Variants in DPP6 observed in about 807,000 individuals in gnomAD.
DPP6 encodes the protein A-type potassium channel modulatory protein DPP6.
A neutral mutation model predicts 122.6 loss-of-function variants in DPP6; 69 were observed. The observed-to-expected ratio is 0.56, with a 90% CI of 0.46 to 0.69. The LOEUF is 0.69. Ranked by LOEUF, DPP6 falls within the 30% of genes least tolerant of loss-of-function variation. The pLI is 0.00. For synonymous variants in DPP6, 418 were observed against 433.1 expected, an observed-to-expected ratio of 0.97 and a Z score of 0.43; for missense variants, 928 against 1,116.9, an observed-to-expected ratio of 0.83 and a Z score of 2.41.
intron 5 of DPP6, among the ~76,000 whole-genome samples, chr7:154,584,701 GT>G (rs1832319599): frequency 6.6e-6 from 1 of 152,160 alleles, no homozygotes; most frequent in African/African-American, 2.4e-5. Context: ...GGTCTGTTCT[GT>G]TGAAATATTT....
chr7:154,831,756 G>A (rs578055125), intron 16 of DPP6, among the ~76,000 whole-genome samples: 1 of 152,086 alleles, frequency 6.6e-6, no homozygotes, highest in Non-Finnish European at 1.5e-5. Flanking sequence ...TATACCACGG[G>A]GTTTCTTTGC....
chr7:154,191,142 C>T (rs531618032), intron 1 of DPP6, among the ~76,000 whole-genome samples: 1 of 152,288 alleles, frequency 6.6e-6, no homozygotes, highest in East Asian at 1.9e-4. Context: ...AGATCCTATG[C>T]TCTGACTGCT....
intron 16 of DPP6, among the ~76,000 whole-genome samples, chr7:154,813,048 ATTAAC>A (rs1259985823): frequency 1.3e-5 from 2 of 151,758 alleles, no homozygotes; most frequent in African/African-American, 4.8e-5. Flanking sequence ...AATAATTACT[ATTAAC>A]TTAAATAATA....
At chr7:154,297,969 C>G (rs965655911) in intron 1 of DPP6, among the ~76,000 whole-genome samples, 6 of 152,178 alleles carry the variant, frequency 3.9e-5, no homozygotes, top group African/African-American at 1.4e-4. Flanking sequence ...TCTCAAACAC[C>G]AGGCGACATG....
intron 1 of DPP6, among the ~76,000 whole-genome samples, chr7:154,315,776 C>CAG (rs1187261553): frequency 6.6e-6 from 1 of 152,146 alleles, no homozygotes; most frequent in Non-Finnish European, 1.5e-5. Context: ...GTTCTGTCCT[C>CAG]AACCACATGG....
rs546546211 is a variant in DPP6 at position 154,095,434 on chromosome 7, T to G, written c.243+42371T>G. 359 of 142,092 alleles carry G rather than the reference T, an allele frequency of 2.5e-3. 1 individual carries two copies. The highest frequency in any genetic ancestry group is 8.7e-3 in the African/African-American group (341 of 39,286). The allele number at this position is 142,092 out of a possible 1,614,324, so 8.8% of individuals were successfully genotyped here. On this transcript the variant is annotated intron_variant, in intron 1 of 25. Coordinates refer to ENST00000377770, the MANE Select transcript of DPP6 (RefSeq NM_130797.4). ...GTTTCCCGCAGGGGGCGCTCTTTTTTGGATCTCTCTGCTTGGAGATATCTC... is the reference window on the plus strand; with the variant it reads ...GTTTCCCGCAGGGGGCGCTCTTTTTGGGATCTCTCTGCTTGGAGATATCTC...
chr7:154,309,049 C>T (rs915840716), intron 1 of DPP6, among the ~76,000 whole-genome samples: 2 of 152,220 alleles, frequency 1.3e-5, no homozygotes, highest in African/African-American at 2.4e-5. Context: ...CCCACACATG[C>T]ACTCGTTGGT....
At chr7:154,228,296 G>A (rs1484944060) in intron 1 of DPP6, among the ~76,000 whole-genome samples, 1 of 152,138 alleles carries the variant, frequency 6.6e-6, no homozygotes, top group Non-Finnish European at 1.5e-5. Flanking sequence ...CAACTAATCA[G>A]TCCATTCTTT....
rs566421745 is a variant in DPP6 at position 154,236,394 on chromosome 7, C to G, written c.243+183331C>G. Among the ~76,000 whole-genome samples, 7 of 152,104 alleles carry G rather than the reference C, an allele frequency of 4.6e-5. No individual in the cohort carries two copies. In the East Asian group the frequency reaches 1.3e-3, roughly 29 times the overall value. On this transcript the variant is annotated intron_variant, in intron 1 of 25. Coordinates refer to ENST00000377770, the MANE Select transcript of DPP6 (RefSeq NM_130797.4). The stretch of plus-strand genomic sequence containing the variant: ...TGTTACTTAACACTTCAATTTATTA[C>G]GAACCTAAATGGCCAGAAAGCTCAG...
At position 154,077,305 on chromosome 7, in the gene DPP6, G is replaced by A. The variant is rs560077447; in HGVS notation, c.243+24242G>A. ...CACCATATTCAATAATAGACACAATGTGTAGAATGAAGAAGCCAGCGTCCA... is the reference window on the plus strand; with the variant it reads ...CACCATATTCAATAATAGACACAATATGTAGAATGAAGAAGCCAGCGTCCA... On this transcript the variant is annotated intron_variant, in intron 1 of 25. Transcript: ENST00000377770. 1.2e-4 allele frequency among the ~76,000 whole-genome samples: 18 copies of A among 152,356 alleles called. No individual in the cohort carries two copies. The South Asian group carries it at 3.5e-3, about 30-fold the overall frequency.
intron 5 of DPP6, among the ~76,000 whole-genome samples, chr7:154,623,257 T>G (rs1192069309): frequency 6.6e-6 from 1 of 152,208 alleles, no homozygotes; most frequent in African/African-American, 2.4e-5. Context: ...TGCGTTGCAC[T>G]AAATGCCTGC....
At chr7:154,480,859 G>A (rs2151366606) in intron 3 of DPP6, among the ~76,000 whole-genome samples, 1 of 152,190 alleles carries the variant, frequency 6.6e-6, no homozygotes, top group East Asian at 1.9e-4. Context: ...TCAGTTGATG[G>A]AAAAATTTGT....
the DPP6 span, among the ~76,000 whole-genome samples, chr7:153,839,744 T>C: frequency 1.3e-5 from 2 of 152,224 alleles, no homozygotes; most frequent in Non-Finnish European, 2.9e-5. Context: ...AACCTGTCCT[T>C]TGCATCACAG....
At chr7:154,126,411 G>A (rs1563224231) in intron 1 of DPP6, among the ~76,000 whole-genome samples, 1 of 152,006 alleles carries the variant, frequency 6.6e-6, no homozygotes, top group Non-Finnish European at 1.5e-5. Context: ...AAACATTCAC[G>A]TCCAGACAGG....
At chr7:154,661,757 C>CATATT (rs1837682735) in intron 6 of DPP6, among the ~76,000 whole-genome samples, 6 of 131,218 alleles carry the variant, frequency 4.6e-5, no homozygotes, top group Non-Finnish European at 1.0e-4. Flanking sequence ...ATCACCATGG[C>CATATT]GTGTTGGCCC....
chr7:154,036,658 CA>C (rs960858041), intron 1 of DPP6, among the ~76,000 whole-genome samples: 1 of 151,722 alleles, frequency 6.6e-6, no homozygotes, highest in Non-Finnish European at 1.5e-5. Context: ...TGGAAATGGG[CA>C]GCAGATGGAC....
At chr7:153,833,581 G>C in the DPP6 span, among the ~76,000 whole-genome samples, 1 of 152,152 alleles carries the variant, frequency 6.6e-6, no homozygotes, top group Middle Eastern at 3.4e-3. Context: ...TGAGGCAGGT[G>C]AACTGCTTGA....
intron 1 of DPP6, among the ~76,000 whole-genome samples, chr7:154,080,188 A>C (rs1803887831): frequency 6.6e-6 from 1 of 152,126 alleles, no homozygotes; most frequent in Non-Finnish European, 1.5e-5. Flanking sequence ...GTGGGCTGTG[A>C]ATACTCTGAT....
chr7:153,875,831 AT>A, the DPP6 span, among the ~76,000 whole-genome samples: 2 of 151,108 alleles, frequency 1.3e-5, no homozygotes, highest in Non-Finnish European at 3.0e-5. Flanking sequence ...ATGCAAATGG[AT>A]TGAATACTCA....
Sources: allele counts gnomAD v4.1 joint callset (sites outside exome capture counted in the v4.1 genomes callset), GRCh38; gene constraint gnomAD v4.1.1; transcripts MANE v1.5; gene names NCBI Gene and HGNC (gene_info 2026-07-23, HGNC 2026-07-21).